Variants in ADAM12 observed in about 807,000 individuals in gnomAD.
ADAM12 encodes the protein ADAM metallopeptidase domain 12.
ADAM12 carries 70 observed loss-of-function variants against 106.4 expected under a neutral mutation model. That is an observed-to-expected ratio of 0.66 (90% CI 0.54 to 0.80). ADAM12 has a LOEUF of 0.80. Ranked by LOEUF, ADAM12 falls within the 30% of genes least tolerant of loss-of-function variation. The probability of loss-of-function intolerance (pLI) is 0.00; values close to 1 mark genes in which losing one functional copy is unlikely to be tolerated. For missense variants in ADAM12, 1,010 were observed against 1,171.9 expected, an observed-to-expected ratio of 0.86 and a Z score of 2.02; for synonymous variants, 420 against 433.5, an observed-to-expected ratio of 0.97 and a Z score of 0.39.
At chr10:126,055,182 G>A (rs1327009975) in intron 14 of ADAM12, among the ~76,000 whole-genome samples, 3 of 152,196 alleles carry the variant, frequency 2.0e-5, no homozygotes, top group South Asian at 2.1e-4. Flanking sequence ...TCCTTTCAAT[G>A]AGTGTGGTTC....
At chr10:126,192,084 A>G (rs1388837378) in intron 3 of ADAM12, among the ~76,000 whole-genome samples, 1 of 152,180 alleles carries the variant, frequency 6.6e-6, no homozygotes, top group Admixed American at 6.5e-5. Context: ...ATCACCTCCC[A>G]CTAGTCTCCA....
At chr10:126,118,499 T>C (rs888473569) in intron 5 of ADAM12, among the ~76,000 whole-genome samples, 1 of 152,250 alleles carries the variant, frequency 6.6e-6, no homozygotes, top group Non-Finnish European at 1.5e-5. Flanking sequence ...TTTATCTCTT[T>C]TTATGTCTCA....
chr10:126,062,030 A>G (rs994207692), intron 14 of ADAM12, among the ~76,000 whole-genome samples: 2 of 152,092 alleles, frequency 1.3e-5, no homozygotes, highest in South Asian at 4.1e-4. Flanking sequence ...CAAGGGCCAC[A>G]GTGGGTTGCA....
intron 3 of ADAM12, among the ~76,000 whole-genome samples, chr10:126,188,204 A>G (rs1456177628): frequency 6.6e-6 from 1 of 152,180 alleles, no homozygotes; most frequent in East Asian, 1.9e-4. Context: ...TAAGGGCAAA[A>G]ATATGTTGAG....
intron 4 of ADAM12, among the ~76,000 whole-genome samples, chr10:126,152,573 G>T (rs1355617567): frequency 2.0e-5 from 3 of 149,126 alleles, no homozygotes; most frequent in African/African-American, 4.9e-5. Flanking sequence ...TTTTTGTTTT[G>T]TTTTGCTTTT....
At chr10:126,329,104 G>A (rs1386657909) in intron 2 of ADAM12, among the ~76,000 whole-genome samples, 2 of 150,502 alleles carry the variant, frequency 1.3e-5, no homozygotes, top group African/African-American at 4.9e-5. Flanking sequence ...AGTTAAATGT[G>A]CATTTCAGAT....
chr10:126,182,904 A>T (rs1957339251), intron 3 of ADAM12, among the ~76,000 whole-genome samples: 1 of 152,202 alleles, frequency 6.6e-6, no homozygotes, highest in Non-Finnish European at 1.5e-5. Context: ...CGGGCCACAG[A>T]CCGATACCTG....
At chr10:126,171,625 C>T (rs1374453345) in intron 3 of ADAM12, among the ~76,000 whole-genome samples, 3 of 152,174 alleles carry the variant, frequency 2.0e-5, no homozygotes, top group African/African-American at 7.2e-5. Context: ...TGGGACAAAA[C>T]CAGATACCTA....
intron 3 of ADAM12, among the ~76,000 whole-genome samples, chr10:126,202,841 T>C (rs970784736): frequency 6.6e-6 from 1 of 152,198 alleles, no homozygotes; most frequent in South Asian, 2.1e-4. Context: ...GTCTCTGAAA[T>C]GCTCTAACAT....
intron 5 of ADAM12, among the ~76,000 whole-genome samples, chr10:126,130,652 T>C (rs1222572921): frequency 1.3e-5 from 2 of 152,194 alleles, no homozygotes; most frequent in African/African-American, 4.8e-5. Context: ...CGGAAGGAAC[T>C]GGCAACCCTG....
In ADAM12 at chr10:126,049,046, G is replaced by A. The variant is rs773757855; in HGVS notation, c.1917+207C>T. On this transcript the variant is annotated intron_variant, in intron 16 of 22. Transcript: ENST00000448723. The surrounding 1 kb of genome is among the most constrained non-coding windows in gnomAD (Gnocchi z 4.4). ...TAGAAATGACTTATTAACACTCAAG[G>A]CCTAAGAAGACAGGCTTGATTTTTC... Among the ~76,000 whole-genome samples the A allele has an allele frequency of 1.2e-4, 19 of 152,152 alleles. No homozygotes were observed. Among genetic ancestry groups the A allele is most frequent in the Non-Finnish European group, 4.4e-5 (3 of 68,036 alleles).
intron 5 of ADAM12, among the ~76,000 whole-genome samples, chr10:126,128,715 C>T (rs375395395): frequency 6.2e-5 from 8 of 128,380 alleles, no homozygotes; most frequent in South Asian, 2.6e-4. Flanking sequence ...TGCAAGTGGG[C>T]GCCTGTGCGA....
At chr10:126,343,937 G>C (rs986186289) in intron 1 of ADAM12, among the ~76,000 whole-genome samples, 1 of 152,156 alleles carries the variant, frequency 6.6e-6, no homozygotes, top group Admixed American at 6.5e-5. Context: ...TGTCAGATGA[G>C]TAGATTGCAA....
At chr10:126,151,668 T>C (rs1380629379) in intron 4 of ADAM12, among the ~76,000 whole-genome samples, 1 of 151,990 alleles carries the variant, frequency 6.6e-6, no homozygotes, top group Non-Finnish European at 1.5e-5. Flanking sequence ...TATATGTTAG[T>C]TAAAACTCAC....
rs999433693 is a variant in ADAM12 at position 126,388,233 on chromosome 10, G to A, written c.-88C>T. ...GGGCGCCGAGCCGGGGCCGGGCGTC[G>A]CGACCGGAGGGATTTCCTGCCTCGG... On this transcript the variant is annotated 5_prime_UTR_variant, in exon 1 of 23. Coordinates refer to ENST00000448723, the MANE Select transcript of ADAM12 (RefSeq NM_001288973.2). The surrounding 1 kb of genome is among the most constrained non-coding windows in gnomAD (Gnocchi z 4.4). 2.0e-5 allele frequency: 24 copies of A among 1,187,510 alleles called. No homozygotes were observed. The highest frequency in any genetic ancestry group is 4.2e-5 in the South Asian group (1 of 23,882). The allele number at this position is 1,187,510 out of a possible 1,614,324, so 73.6% of individuals were successfully genotyped here. A position where few individuals can be genotyped will look rare whatever the true frequency, so the allele number is the denominator to read the frequency against.
In ADAM12 at chr10:126,267,817, TG is replaced by T. The variant is rs1454574974; in HGVS notation, c.260+11097del. ...TTCTTAGAGTTACAAAAAAGAGAGGTGGGGGGCGGTGGGGGTGGATTTAGAA... is the reference window on the plus strand; with the variant it reads ...TTCTTAGAGTTACAAAAAAGAGAGGTGGGGGCGGTGGGGGTGGATTTAGAA... On this transcript the variant is annotated intron_variant, in intron 3 of 22. Transcript: ENST00000448723. Among the ~76,000 whole-genome samples, 4 of 127,452 alleles carry T rather than the reference TG, an allele frequency of 3.1e-5. No homozygotes were observed. The East Asian group carries it at 8.7e-4, about 28-fold the overall frequency. 83.6% of individuals were successfully genotyped at this position (127,452 alleles called of 152,430 possible).
intron 14 of ADAM12, among the ~76,000 whole-genome samples, chr10:126,058,783 G>A (rs1157368379): frequency 6.6e-6 from 1 of 152,214 alleles, no homozygotes; most frequent in Admixed American, 6.5e-5. Flanking sequence ...TTATCTTAGA[G>A]ACAGAGTGGT....
chr10:126,062,671 C>T (rs931194885), intron 14 of ADAM12, among the ~76,000 whole-genome samples: 4 of 152,142 alleles, frequency 2.6e-5, no homozygotes, highest in South Asian at 2.1e-4. Flanking sequence ...ACAGCACTGT[C>T]GAGTTCCCTC....
intron 14 of ADAM12, among the ~76,000 whole-genome samples, chr10:126,056,036 A>G (rs1031879071): frequency 1.3e-5 from 2 of 152,248 alleles, no homozygotes; most frequent in African/African-American, 4.8e-5. Context: ...CAGTTCCTCA[A>G]GAAATAAATC....
Sources: allele counts gnomAD v4.1 joint callset (sites outside exome capture counted in the v4.1 genomes callset), GRCh38; gene constraint gnomAD v4.1.1; non-coding constraint Gnocchi (gnomAD v3.1); transcripts MANE v1.5; gene names NCBI Gene and HGNC (gene_info 2026-07-23, HGNC 2026-07-21).